Variants in ARSL observed in about 807,000 individuals in gnomAD.
The protein encoded by ARSL is arylsulfatase L, also known as arylsulfatase E (chondrodysplasia punctata 1).
Under a neutral mutation model 31.1 loss-of-function variants are expected in ARSL, and 4 were observed. The ratio of observed to expected loss-of-function variants is 0.13; its 90% CI spans 0.06 to 0.29. ARSL has a LOEUF of 0.29. Among genes scored for constraint, ARSL ranks in the 10% least tolerant of loss-of-function variants. The pLI is 1.00. For synonymous variants in ARSL, 198 were observed against 209.9 expected (o/e 0.94, Z 0.49); for missense variants, 312 against 497.8 (o/e 0.63, Z 3.55).
upstream of ARSL, among the ~76,000 whole-genome samples, chrX:2,966,861 T>C (rs184229607): frequency 0.013 from 1,381 of 110,153 alleles, 20 homozygotes; most frequent in African/African-American, 0.042. Context: ...TATAGACATC[T>C]ACATACATGT....
In ARSL at chrX:2,935,155, C is replaced by G. The variant is rs750738958; in HGVS notation, c.1447G>C (p.Val483Leu). ...TMWKVHFVTPVFQPEGAGACY... is the reference protein window; with the variant it reads ...TMWKVHFVTPLFQPEGAGACY... ...GCACCGGCTCCCTCTGGCTGGAACACAGGCGTCACAAAGTGGACTTTCCAC... is the reference window on the plus strand; with the variant it reads ...GCACCGGCTCCCTCTGGCTGGAACAGAGGCGTCACAAAGTGGACTTTCCAC... Residue 483 changes from valine (V) to leucine (L), a missense_variant, in exon 11 of 11, where the codon GTG (valine) becomes CTG (leucine). Val to Leu is a conservative substitution (Grantham distance 32). Coordinates refer to ENST00000381134, the MANE Select transcript of ARSL (RefSeq NM_000047.3). 2 of 1,211,583 alleles carry G rather than the reference C, an allele frequency of 1.7e-6. No individual in the cohort carries two copies. Among genetic ancestry groups the G allele is most frequent in the East Asian group, 5.9e-5 (2 of 33,838 alleles).
At chrX:2,956,195 A>G (rs1187983237) in intron 3 of ARSL, among the ~76,000 whole-genome samples, 3 of 112,003 alleles carry the variant, frequency 2.7e-5, no homozygotes, top group Non-Finnish European at 5.6e-5. Context: ...ATGGACGCCA[A>G]CACACTGTAA....
chrX:2,944,872 C>T lies in ARSL; in HGVS notation c.991+1126G>A, dbSNP rs757578020. On this transcript the variant is annotated intron_variant, in intron 7 of 10. Coordinates refer to ENST00000381134, the MANE Select transcript of ARSL (RefSeq NM_000047.3). Reference sequence around the variant, plus strand: ...AATCAACCTACCTAACACATGGTCACGAAGAGAAGCAATGGTGATGCTGTG... The same window carrying T: ...AATCAACCTACCTAACACATGGTCATGAAGAGAAGCAATGGTGATGCTGTG... 1.0e-4 allele frequency among the ~76,000 whole-genome samples: 11 copies of T among 108,095 alleles called. No individual in the cohort carries two copies. In the South Asian group the frequency reaches 4.0e-3, roughly 40 times the overall value. 93.9% of individuals were successfully genotyped at this position (108,095 alleles called of 115,157 possible).
At chrX:2,965,816 G>A (rs1175118513), upstream of ARSL, among the ~76,000 whole-genome samples, 1 of 111,915 alleles carries the variant, frequency 8.9e-6, no homozygotes, top group African/African-American at 3.2e-5. Context: ...TAGGAGAATC[G>A]CTTGAACCCG....
At chrX:2,936,069 C>T (rs1450879999) in intron 10 of ARSL, among the ~76,000 whole-genome samples, 2 of 110,931 alleles carry the variant, frequency 1.8e-5, no homozygotes, top group African/African-American at 6.6e-5. Flanking sequence ...CGTGGTGGCT[C>T]ATGCCTGTCA....
chrX:2,945,291 T>G (rs886079942), intron 7 of ARSL, among the ~76,000 whole-genome samples: 42 of 110,978 alleles, frequency 3.8e-4, no homozygotes, highest in Non-Finnish European at 6.0e-4. Context: ...ACAAGGGGGT[T>G]GGGTAGAGGT....
chrX:2,964,344 C>T (rs2089679139), upstream of ARSL: 2 of 754,002 alleles, frequency 2.7e-6, no homozygotes, highest in Non-Finnish European at 3.1e-6. Flanking sequence ...TGATTAACTT[C>T]GAGTTTGTTT....
upstream of ARSL, among the ~76,000 whole-genome samples, chrX:2,966,041 C>T (rs945856982): frequency 1.8e-5 from 2 of 112,333 alleles, no homozygotes; most frequent in African/African-American, 3.2e-5. Flanking sequence ...CCTACAAGGA[C>T]GGGGTTTCAT....
chrX:2,937,952 T>G, intron 9 of ARSL, 143 bp downstream of exon 9: 7 of 804,131 alleles, frequency 8.7e-6, no homozygotes, highest in Non-Finnish European at 1.3e-5. Flanking sequence ...TATTGGGCCA[T>G]GAGAATAAGC....
rs776633099 is a variant in ARSL, at chrX:2,943,138, C to T, written c.1053G>A (p.Thr351=). The change falls in exon 8 of 11, where the codon ACG becomes ACA. Residue 351 remains threonine (T), a synonymous_variant. Coordinates refer to ENST00000381134, the MANE Select transcript of ARSL (RefSeq NM_000047.3). ...TCTCTAGGGAACCGCCGTGATCCGA[C>T]GTAAAATAAATGAGGGTGCTGTTGC... The part of the protein sequence containing the change: ...GLSNSTLIYF[T]SDHGGSLENQ... 32 of 1,209,008 alleles carry T rather than the reference C, an allele frequency of 2.6e-5. No individual in the cohort carries two copies. The highest frequency in any genetic ancestry group is 7.1e-5 in the South Asian group (4 of 56,708).
At chrX:2,957,408 T>C (rs2089540398) in intron 3 of ARSL, among the ~76,000 whole-genome samples, 1 of 109,595 alleles carries the variant, frequency 9.1e-6, no homozygotes, top group Non-Finnish European at 1.9e-5. Context: ...ATAAAAATCA[T>C]ATTTAAAAAA....
intron 9 of ARSL, among the ~76,000 whole-genome samples, chrX:2,937,153 G>A (rs974927560): frequency 3.6e-5 from 4 of 111,902 alleles, no homozygotes; most frequent in African/African-American, 6.5e-5. Flanking sequence ...CAGCACTTTG[G>A]GAGGTCGAGG....
At chrX:2,944,947 G>C (rs781091807) in intron 7 of ARSL, among the ~76,000 whole-genome samples, 2 of 109,923 alleles carry the variant, frequency 1.8e-5, no homozygotes, top group Admixed American at 9.9e-5. Flanking sequence ...AGAAGAAGAG[G>C]AAGAAGTGGA....
chrX:2,944,649 C>G (rs2147367033), intron 7 of ARSL, among the ~76,000 whole-genome samples: 1 of 109,241 alleles, frequency 9.2e-6, no homozygotes, highest in African/African-American at 3.3e-5. Flanking sequence ...AGCCCACCAC[C>G]ACCTAAACCC....
intron 3 of ARSL, among the ~76,000 whole-genome samples, chrX:2,958,032 AAAAAAT>A (rs1436061835): frequency 1.8e-5 from 2 of 111,699 alleles, no homozygotes; most frequent in Non-Finnish European, 3.8e-5. Context: ...AGAGAAAAAT[AAAAAAT>A]AAAAATAAAT....
At chrX:2,955,922 G>A (rs1325306596) in intron 3 of ARSL, among the ~76,000 whole-genome samples, 1 of 112,466 alleles carries the variant, frequency 8.9e-6, no homozygotes, top group Admixed American at 9.4e-5. Flanking sequence ...TGTAGAACCA[G>A]CTACTTGGGA....
chrX:2,944,051 C>A (rs1476987091), intron 7 of ARSL, among the ~76,000 whole-genome samples: 1 of 110,009 alleles, frequency 9.1e-6, no homozygotes, highest in Non-Finnish European at 1.9e-5. Flanking sequence ...TGGTAGTGCA[C>A]ACCTGTGGTC....
chrX:2,949,206 C>T, intron 6 of ARSL, 98 bp downstream of exon 6: 2 of 1,074,121 alleles, frequency 1.9e-6, no homozygotes, highest in Non-Finnish European at 1.3e-6. Flanking sequence ...ACTGGGATTA[C>T]AGGAATGAGC....
At position 2,949,484 on chromosome X, in the gene ARSL, A is replaced by G; in HGVS notation, c.674T>C (p.Met225Thr). The G allele has an allele frequency of 8.3e-7, 1 of 1,211,648 alleles. No individual in the cohort carries two copies. The highest frequency in any genetic ancestry group is 1.1e-6 in the Non-Finnish European group (1 of 895,534). ...KLTHLIPVSW[M>T]PVIWSALSAV... ...CGAAAGGGCTGACCAGATGACCGGC[A>G]TCCACGAGACGGGTATCAGGTGTGT... The change falls in exon 6 of 11, where the codon ATG becomes ACG. Residue 225 changes from methionine (M) to threonine (T), a missense_variant. Coordinates refer to ENST00000381134, the MANE Select transcript of ARSL (RefSeq NM_000047.3).
Sources: gnomAD v4.1 joint callset for allele counts (sites outside exome capture counted in the v4.1 genomes callset) on GRCh38, gnomAD v4.1.1 for gene constraint, MANE v1.5 for transcripts, NCBI Gene and HGNC (gene_info 2026-07-23, HGNC 2026-07-21) for gene names.